Variants in RIMS4 observed in about 807,000 individuals in gnomAD.
RIMS4 encodes regulating synaptic membrane exocytosis 4.
A neutral mutation model predicts 29.0 loss-of-function variants in RIMS4; 9 were observed. The observed-to-expected ratio is 0.31, with a 90% CI of 0.19 to 0.54. The LOEUF (loss-of-function observed/expected upper bound fraction) is 0.54, where lower values mean the gene tolerates loss of function less well. Ranked by LOEUF, RIMS4 falls within the 20% of genes least tolerant of loss-of-function variation. The probability of loss-of-function intolerance (pLI) is 0.94; values close to 1 mark genes in which losing one functional copy is unlikely to be tolerated. For synonymous variants in RIMS4, 130 were observed against 152.9 expected, an observed-to-expected ratio of 0.85 and a Z score of 1.10; for missense variants, 193 against 365.7, an observed-to-expected ratio of 0.53 and a Z score of 3.85.
At chr20:44,780,258 T>C (rs1362336652) in intron 1 of RIMS4, among the ~76,000 whole-genome samples, 3 of 152,164 alleles carry the variant, frequency 2.0e-5, no homozygotes, top group African/African-American at 7.2e-5. Flanking sequence ...ATGTTTTAGC[T>C]CCCTTGGTGG....
chr20:44,796,712 C>T (rs564932792), intron 1 of RIMS4, among the ~76,000 whole-genome samples: 2 of 152,268 alleles, frequency 1.3e-5, no homozygotes, highest in African/African-American at 4.8e-5. Flanking sequence ...ACATCAGGCA[C>T]CCCAGCTGAG....
rs1316957105 is a variant in RIMS4 at position 44,771,347 on chromosome 20, G to A, written c.164C>T (p.Pro55Leu). The A allele has an allele frequency of 6.2e-7, 1 of 1,613,940 alleles. No homozygotes were observed. Among genetic ancestry groups the A allele is most frequent in the Non-Finnish European group, 8.5e-7 (1 of 1,179,930 alleles). The change falls in exon 2 of 6, where the codon CCC becomes CTC. Residue 55 changes from proline to leucine, a missense_variant. Coordinates refer to ENST00000372851, the MANE Select transcript of RIMS4 (RefSeq NM_182970.4). Reference sequence around the variant, plus strand: ...GCTGGCCTGGCGCAGTGTCCGGCTGGGCATCTCCACTGCCAGGCCCGTCTC... The same window carrying A: ...GCTGGCCTGGCGCAGTGTCCGGCTGAGCATCTCCACTGCCAGGCCCGTCTC... ...STETGLAVEM[P>L]SRTLRQASHE... is the part of the protein sequence containing the mutation.
intron 1 of RIMS4, among the ~76,000 whole-genome samples, chr20:44,775,638 G>A (rs992383913): frequency 2.0e-5 from 3 of 152,196 alleles, no homozygotes; most frequent in African/African-American, 4.8e-5. Context: ...ACACCATTGC[G>A]TGTCTCCTGC....
chr20:44,810,144 CG>C, intron 1 of RIMS4, 30 bp downstream of exon 1: 5 of 1,334,330 alleles, frequency 3.7e-6, no homozygotes, highest in East Asian at 3.4e-5. Context: ...CGGGACACCC[CG>C]GGGGTCTGGG....
At chr20:44,793,225 GGGC>G (rs2066240577) in intron 1 of RIMS4, among the ~76,000 whole-genome samples, 4 of 152,290 alleles carry the variant, frequency 2.6e-5, no homozygotes, top group African/African-American at 9.6e-5. Flanking sequence ...GTGCGGCCCA[GGGC>G]AGGAGTACAA....
intron 1 of RIMS4, among the ~76,000 whole-genome samples, chr20:44,802,163 C>T (rs889377311): frequency 6.6e-6 from 1 of 152,204 alleles, no homozygotes; most frequent in Non-Finnish European, 1.5e-5. Context: ...ACTGTGACAA[C>T]TGCAGCTGCT....
intron 2 of RIMS4, among the ~76,000 whole-genome samples, chr20:44,763,855 T>A (rs1465981251): frequency 6.6e-6 from 1 of 152,212 alleles, no homozygotes; most frequent in Non-Finnish European, 1.5e-5. Flanking sequence ...ATTAAAAGGT[T>A]GCACAGCCCT....
At chr20:44,795,632 C>CAA (rs777084437) in intron 1 of RIMS4, among the ~76,000 whole-genome samples, 96 of 143,816 alleles carry the variant, frequency 6.7e-4, no homozygotes, top group African/African-American at 2.2e-3. Context: ...ACTCCATCTC[C>CAA]AAAAAAAAAA....
At chr20:44,802,156 G>A (rs562551082) in intron 1 of RIMS4, among the ~76,000 whole-genome samples, 1 of 152,300 alleles carries the variant, frequency 6.6e-6, no homozygotes, top group East Asian at 1.9e-4. Context: ...AACAGCCACT[G>A]TGACAACTGC....
At chr20:44,785,112 C>A (rs1174820805) in intron 1 of RIMS4, among the ~76,000 whole-genome samples, 4 of 152,212 alleles carry the variant, frequency 2.6e-5, no homozygotes, top group Admixed American at 2.6e-4. Flanking sequence ...GTTCAAGGAG[C>A]CTCTTGGGAG....
At chr20:44,791,425 G>A (rs2066232081) in intron 1 of RIMS4, among the ~76,000 whole-genome samples, 1 of 152,166 alleles carries the variant, frequency 6.6e-6, no homozygotes, top group Admixed American at 6.5e-5. Context: ...TCTGTAAAGT[G>A]GGAATAGCGA....
chr20:44,798,007 T>A (rs549422471), intron 1 of RIMS4, among the ~76,000 whole-genome samples: 19 of 152,204 alleles, frequency 1.2e-4, no homozygotes, highest in Non-Finnish European at 2.2e-4. Context: ...CCAGGGCTCA[T>A]CCCACGACAA....
intron 2 of RIMS4, among the ~76,000 whole-genome samples, chr20:44,759,576 A>G (rs2066075457): frequency 1.3e-5 from 2 of 152,146 alleles, no homozygotes; most frequent in Non-Finnish European, 2.9e-5. Flanking sequence ...TTGGCTTTTG[A>G]TCTTTATCAC....
In RIMS4 at chr20:44,810,304, C is replaced by A; in HGVS notation, c.-33G>T. 1.3e-6 allele frequency: 1 copy of A among 776,382 alleles called. No individual in the cohort carries two copies. The highest frequency in any genetic ancestry group is 5.6e-5 in the South Asian group (1 of 17,782). 48.1% of individuals were successfully genotyped at this position (776,382 alleles called of 1,614,324 possible). A position where few individuals can be genotyped will look rare whatever the true frequency, so the allele number is the denominator to read the frequency against. Reference sequence around the variant, plus strand: ...CCGGCGCCGGGCGCCTCGGCCGCGGCGGCGGCGGCGGCGGCGGGCGGCTTG... The same window carrying A: ...CCGGCGCCGGGCGCCTCGGCCGCGGAGGCGGCGGCGGCGGCGGGCGGCTTG... On this transcript the variant is annotated 5_prime_UTR_variant, in exon 1 of 6. Transcript: ENST00000372851.
At chr20:44,761,786 G>A (rs566920022) in intron 2 of RIMS4, among the ~76,000 whole-genome samples, 1 of 152,330 alleles carries the variant, frequency 6.6e-6, no homozygotes, top group Admixed American at 6.5e-5. Flanking sequence ...AGTGGTATCT[G>A]AACCCAGAGA....
At chr20:44,774,678 G>T (rs775060992) in intron 1 of RIMS4, among the ~76,000 whole-genome samples, 2 of 152,014 alleles carry the variant, frequency 1.3e-5, no homozygotes. Context: ...TATCCTATTA[G>T]TTCTGTCCTT....
At chr20:44,787,245 C>A (rs1476620487) in intron 1 of RIMS4, among the ~76,000 whole-genome samples, 1 of 151,920 alleles carries the variant, frequency 6.6e-6, no homozygotes. Context: ...GAGGAGAGGG[C>A]AGACTGAAAA....
chr20:44,794,859 G>A (rs2066247885), intron 1 of RIMS4, among the ~76,000 whole-genome samples: 1 of 152,222 alleles, frequency 6.6e-6, no homozygotes, highest in South Asian at 2.1e-4. Context: ...ACCAAAGGGA[G>A]CCATCTCTGG....
chr20:44,773,862 C>A (rs185925225), intron 1 of RIMS4, among the ~76,000 whole-genome samples: 1 of 152,188 alleles, frequency 6.6e-6, no homozygotes, highest in Non-Finnish European at 1.5e-5. Context: ...CATCTTCCCA[C>A]GGAGCTGTTG....
Sources: gnomAD v4.1 joint callset for allele counts (sites outside exome capture counted in the v4.1 genomes callset) on GRCh38, gnomAD v4.1.1 for gene constraint, MANE v1.5 for transcripts, NCBI Gene and HGNC (gene_info 2026-07-23, HGNC 2026-07-21) for gene names.